The following CPA6 variants were observed in gnomAD, a reference collection of about 807,000 sequenced individuals.
The protein encoded by CPA6 is carboxypeptidase A6.
Under a neutral mutation model 63.3 loss-of-function variants are expected in CPA6, and 58 were observed. That is an observed-to-expected ratio of 0.92 (90% CI 0.74 to 1.14). The LOEUF is 1.14. CPA6 is among the 50% of genes most tolerant of loss of function. The pLI is 0.00. For missense variants in CPA6, 565 were observed against 526.6 expected (o/e 1.07, Z -0.71); for synonymous variants, 185 against 179.0 (o/e 1.03, Z -0.27).
intron 1 of CPA6, among the ~76,000 whole-genome samples, chr8:67,684,572 G>T (rs891752263): frequency 6.6e-6 from 1 of 152,050 alleles, no homozygotes; most frequent in East Asian, 1.9e-4. Context: ...ATGCGTACCC[G>T]GCCTCTCTCC....
rs570213627 is a variant in CPA6 at position 67,611,014 on chromosome 8, C to CT, written c.192+13161dup. 9.0e-4 allele frequency among the ~76,000 whole-genome samples: 136 copies of CT among 150,378 alleles called. 2 individuals are homozygous for CT. The South Asian group carries it at 0.026, about 29-fold the overall frequency. On this transcript the variant is annotated intron_variant, in intron 2 of 10. Transcript: ENST00000297770. ...ATATAATTGTTATTATAAGTACCTT[C>CT]TTTTTTTTTGGTAGGTAGAAGGATT...
At chr8:67,491,122 T>C (rs1390919978) in intron 6 of CPA6, among the ~76,000 whole-genome samples, 2 of 151,594 alleles carry the variant, frequency 1.3e-5, no homozygotes, top group African/African-American at 4.8e-5. Context: ...TTAGGACTGG[T>C]AAACACTGCG....
intron 1 of CPA6, among the ~76,000 whole-genome samples, chr8:67,648,086 G>T (rs1490949455): frequency 1.3e-5 from 2 of 152,128 alleles, no homozygotes; most frequent in African/African-American, 4.8e-5. Context: ...CAAAGGGGAA[G>T]TTCCTTTGGC....
intron 8 of CPA6, among the ~76,000 whole-genome samples, chr8:67,439,447 G>A (rs1810238108): frequency 2.0e-5 from 3 of 152,094 alleles, no homozygotes; most frequent in Non-Finnish European, 4.4e-5. Flanking sequence ...AAATTAGCCA[G>A]GTATGGTGGT....
chr8:67,641,460 G>C (rs1024585556), intron 1 of CPA6, among the ~76,000 whole-genome samples: 1 of 152,222 alleles, frequency 6.6e-6, no homozygotes, highest in Non-Finnish European at 1.5e-5. Context: ...AAACTTGATG[G>C]ACAGGTTAAA....
chr8:67,441,332 C>G (rs1810290941), intron 8 of CPA6, among the ~76,000 whole-genome samples: 1 of 152,142 alleles, frequency 6.6e-6, no homozygotes, highest in Non-Finnish European at 1.5e-5. Context: ...ACTAAAAGAT[C>G]TATAATTTCA....
intron 1 of CPA6, among the ~76,000 whole-genome samples, chr8:67,743,736 CTCAT>C (rs1378020236): frequency 6.6e-6 from 1 of 152,128 alleles, no homozygotes; most frequent in Non-Finnish European, 1.5e-5. Context: ...GAGGACTGCC[CTCAT>C]TAGCTACTCT....
chr8:67,725,513 T>C (rs529460973), intron 1 of CPA6, among the ~76,000 whole-genome samples: 4 of 152,300 alleles, frequency 2.6e-5, no homozygotes, highest in African/African-American at 9.6e-5. Context: ...TTACTTAATG[T>C]ACCAGTATTT....
At chr8:67,547,029 G>A (rs1812831788) in intron 2 of CPA6, among the ~76,000 whole-genome samples, 1 of 152,012 alleles carries the variant, frequency 6.6e-6, no homozygotes, top group South Asian at 2.1e-4. Flanking sequence ...GATGCTGAAG[G>A]CCAAGTTTAT....
At chr8:67,461,358 C>T (rs563844776) in intron 8 of CPA6, among the ~76,000 whole-genome samples, 1 of 147,286 alleles carries the variant, frequency 6.8e-6, no homozygotes, top group East Asian at 2.0e-4. Flanking sequence ...GCACACGTTT[C>T]AGAGAGCACA....
chr8:67,477,446 T>A (rs978580836), intron 8 of CPA6, among the ~76,000 whole-genome samples: 1 of 152,180 alleles, frequency 6.6e-6, no homozygotes, highest in African/African-American at 2.4e-5. Flanking sequence ...CAAAGAATAC[T>A]ATAAGCCAAC....
At chr8:67,529,661 C>T (rs1200290950) in intron 2 of CPA6, among the ~76,000 whole-genome samples, 1 of 152,220 alleles carries the variant, frequency 6.6e-6, no homozygotes, top group Admixed American at 6.5e-5. Context: ...CAAGTGAAAA[C>T]GAACACACTG....
At chr8:67,476,527 T>C (rs1811241024) in intron 8 of CPA6, among the ~76,000 whole-genome samples, 2 of 150,580 alleles carry the variant, frequency 1.3e-5, no homozygotes, top group South Asian at 4.2e-4. Context: ...CTTCTTACCA[T>C]ACATTCCCAA....
chr8:67,437,775 T>G (rs1272670303), intron 8 of CPA6, among the ~76,000 whole-genome samples: 1 of 151,092 alleles, frequency 6.6e-6, no homozygotes, highest in Non-Finnish European at 1.5e-5. Context: ...GAGTAAAGAA[T>G]AGGAAAAATG....
intron 2 of CPA6, among the ~76,000 whole-genome samples, chr8:67,520,296 C>T (rs1812233395): frequency 6.6e-6 from 1 of 152,168 alleles, no homozygotes; most frequent in East Asian, 1.9e-4. Context: ...AGAGCAGCTT[C>T]TCCACAGGAA....
chr8:67,692,409 TGAAC>T (rs1268365603), intron 1 of CPA6, among the ~76,000 whole-genome samples: 4 of 151,616 alleles, frequency 2.6e-5, no homozygotes, highest in South Asian at 2.1e-4. Flanking sequence ...TGCTAAAGTG[TGAAC>T]TATGTGCTGG....
intron 2 of CPA6, among the ~76,000 whole-genome samples, chr8:67,554,171 T>C (rs1233239221): frequency 6.6e-6 from 1 of 152,146 alleles, no homozygotes; most frequent in African/African-American, 2.4e-5. Flanking sequence ...TAAAGATACC[T>C]GAGACTGGGT....
chr8:67,476,336 A>C (rs1274750521), intron 8 of CPA6, among the ~76,000 whole-genome samples: 1 of 152,124 alleles, frequency 6.6e-6, no homozygotes. Context: ...AATGTGGGCT[A>C]CAAAAATCTG....
At chr8:67,659,940 AAT>A (rs1816071337) in intron 1 of CPA6, among the ~76,000 whole-genome samples, 1 of 152,226 alleles carries the variant, frequency 6.6e-6, no homozygotes, top group Non-Finnish European at 1.5e-5. Context: ...TCAAAAAATG[AAT>A]TGGATAAGAT....
Sources: gnomAD v4.1 joint callset for allele counts (sites outside exome capture counted in the v4.1 genomes callset) on GRCh38, gnomAD v4.1.1 for gene constraint, MANE v1.5 for transcripts, NCBI Gene and HGNC (gene_info 2026-07-23, HGNC 2026-07-21) for gene names.